ITGA1: variants seen among roughly 807,000 people sequenced by gnomAD.
ITGA1 encodes integrin subunit alpha 1.
Under a neutral mutation model 145.9 loss-of-function variants are expected in ITGA1, and 85 were observed. The observed-to-expected ratio is 0.58, with a 90% CI of 0.49 to 0.70. ITGA1 has a LOEUF of 0.70. Among genes scored for constraint, ITGA1 ranks in the 30% least tolerant of loss-of-function variants. The pLI, the probability that ITGA1 is intolerant of heterozygous loss-of-function variation, is 0.00. For synonymous variants in ITGA1, 520 were observed against 495.3 expected, an observed-to-expected ratio of 1.05 and a Z score of -0.66; for missense variants, 1,351 against 1,418.7, an observed-to-expected ratio of 0.95 and a Z score of 0.77.
chr5:52,920,255 C>A, intron 16 of ITGA1, 77 bp from the exon 17 acceptor site: 1 of 1,122,966 alleles, frequency 8.9e-7, no homozygotes, highest in Non-Finnish European at 1.2e-6. Flanking sequence ...TTCTATAATG[C>A]TAATTTAATA....
At chr5:52,864,280 C>T (rs1749650574) in intron 3 of ITGA1, among the ~76,000 whole-genome samples, 1 of 152,162 alleles carries the variant, frequency 6.6e-6, no homozygotes, top group African/African-American at 2.4e-5. Context: ...CCTCTAGTTT[C>T]CTTTGTCACC....
intron 11 of ITGA1, chr5:52,904,809 C>T (rs922111871): frequency 6.7e-6 from 1 of 149,454 alleles, no homozygotes; most frequent in African/African-American, 2.5e-5. Context: ...GCCGAGATCG[C>T]GCCACTGCAC....
chr5:52,912,261 A>G (rs1750568247), intron 14 of ITGA1, among the ~76,000 whole-genome samples: 1 of 144,760 alleles, frequency 6.9e-6, no homozygotes, highest in South Asian at 2.2e-4. Context: ...TATTATATAT[A>G]GTGTATCTAC....
intron 1 of ITGA1, among the ~76,000 whole-genome samples, chr5:52,839,376 G>T (rs7719529): frequency 0.41 from 62,866 of 151,932 alleles, 15,244 homozygotes; most frequent in African/African-American, 0.66. Context: ...GTGTTTTCAC[G>T]AAACAATTTT....
chr5:52,906,042 G>C lies in ITGA1; in HGVS notation c.1455+134G>C. The C allele has an allele frequency of 1.4e-5, 10 of 702,128 alleles. No individual in the cohort carries two copies. In the South Asian group the frequency reaches 2.3e-4, roughly 16 times the overall value. 43.5% of individuals were successfully genotyped at this position (702,128 alleles called of 1,614,324 possible). A position where few individuals can be genotyped will look rare whatever the true frequency, so the allele number is the denominator to read the frequency against. On this transcript the variant is annotated intron_variant, in intron 12 of 28. Transcript: ENST00000282588. ...AACTGGGAACAGGGCCCTGTGTTAG[G>C]TTCTTTGGAAGGATGTATAGTGTCT...
At chr5:52,842,041 A>C (rs562575345) in intron 1 of ITGA1, among the ~76,000 whole-genome samples, 2 of 152,262 alleles carry the variant, frequency 1.3e-5, no homozygotes, top group African/African-American at 4.8e-5. Flanking sequence ...CCTTAGTAGA[A>C]TATTAATATA....
intron 14 of ITGA1, among the ~76,000 whole-genome samples, chr5:52,913,374 C>A (rs528265959): frequency 6.6e-6 from 1 of 152,046 alleles, no homozygotes; most frequent in South Asian, 2.1e-4. Flanking sequence ...AAGTGAATTA[C>A]GATTTCTAAA....
rs1354960427 is a variant in ITGA1 at position 52,958,103 on chromosome 5, T to C, written c.*5652T>C. The stretch of plus-strand genomic sequence containing the variant: ...GTAGAGAGAGATTACTGGGAAGCAG[T>C]GAGCCAACATAATTGTCCTTTCCTC... On this transcript the variant is annotated 3_prime_UTR_variant, in exon 29 of 29. Transcript: ENST00000282588. The C allele has an allele frequency of 6.6e-6, 1 of 152,172 alleles. No individual in the cohort carries two copies. The highest frequency in any genetic ancestry group is 1.5e-5 in the Non-Finnish European group (1 of 68,030). 9.4% of individuals were successfully genotyped at this position (152,172 alleles called of 1,614,324 possible). A position where few individuals can be genotyped will look rare whatever the true frequency, so the allele number is the denominator to read the frequency against.
At chr5:52,884,196 C>T (rs1750010037) in intron 7 of ITGA1, among the ~76,000 whole-genome samples, 2 of 152,076 alleles carry the variant, frequency 1.3e-5, no homozygotes, top group Non-Finnish European at 1.5e-5. Context: ...GTAATCCCAG[C>T]ACTTTGGGAG....
At chr5:52,827,932 A>T (rs1218474176) in intron 1 of ITGA1, among the ~76,000 whole-genome samples, 1 of 152,204 alleles carries the variant, frequency 6.6e-6, no homozygotes, top group Non-Finnish European at 1.5e-5. Flanking sequence ...GCTTTATTGC[A>T]GTGGTCTGGA....
chr5:52,942,927 C>T (rs1476744506), intron 26 of ITGA1, among the ~76,000 whole-genome samples: 3 of 152,068 alleles, frequency 2.0e-5, no homozygotes, highest in Non-Finnish European at 4.4e-5. Context: ...ATTTTATATT[C>T]TGAAACTTTA....
chr5:52,836,407 G>A (rs1043713222), intron 1 of ITGA1, among the ~76,000 whole-genome samples: 1 of 152,202 alleles, frequency 6.6e-6, no homozygotes, highest in Non-Finnish European at 1.5e-5. Flanking sequence ...TTTCTGGCCA[G>A]TACATTTGTG....
At position 52,838,997 on chromosome 5, in the gene ITGA1, T is replaced by G. The variant is rs138631121; in HGVS notation, c.62-10368T>G. 2.0e-4 allele frequency among the ~76,000 whole-genome samples: 31 copies of G among 152,188 alleles called. 1 individual carries two copies. In the East Asian group the frequency reaches 4.8e-3, roughly 24 times the overall value. On this transcript the variant is annotated intron_variant, in intron 1 of 28. Coordinates refer to ENST00000282588, the MANE Select transcript of ITGA1 (RefSeq NM_181501.2). ...CTCTGGTCTTAGCTACTTGGGAGGC[T>G]GAGGTGGAAGAATCACTTGAGCTGG...
Position 52,881,976 on chromosome 5 carries a change from G to C in ITGA1, c.728G>C (p.Arg243Thr), listed in dbSNP as rs1161729766. The change falls in exon 7 of 29, where the codon AGA (arginine) becomes ACA (threonine). Residue 243 changes from arginine to threonine, a missense_variant. Transcript: ENST00000282588. ...VLVAAKKIVQ[R>T]GGRQTMTALG... ...GTTGCAGCAAAGAAAATAGTCCAGAGAGGTGGCCGCCAGACTATGACAGCT... is the reference window on the plus strand; with the variant it reads ...GTTGCAGCAAAGAAAATAGTCCAGACAGGTGGCCGCCAGACTATGACAGCT... The C allele has an allele frequency of 6.2e-7, 1 of 1,613,758 alleles. No homozygotes were observed. The highest frequency in any genetic ancestry group is 1.1e-5 in the South Asian group (1 of 91,014).
At chr5:52,938,130 G>A (rs1750999632) in intron 24 of ITGA1, among the ~76,000 whole-genome samples, 1 of 152,174 alleles carries the variant, frequency 6.6e-6, no homozygotes, top group Non-Finnish European at 1.5e-5. Flanking sequence ...ATCCACTAGA[G>A]TAGATTTTAA....
At chr5:52,891,579 A>G (rs1390434694) in intron 8 of ITGA1, among the ~76,000 whole-genome samples, 1 of 150,544 alleles carries the variant, frequency 6.6e-6, no homozygotes. Context: ...AAAAAAAACC[A>G]AAGTGATAAT....
Position 52,800,109 on chromosome 5 carries a change from G to T in ITGA1, c.61+11695G>T, listed in dbSNP as rs114309882. On this transcript the variant is annotated intron_variant, in intron 1 of 28. Coordinates refer to ENST00000282588, the MANE Select transcript of ITGA1 (RefSeq NM_181501.2). ...GCATGCGCCTTCATTTCGTCAGCCC[G>T]CTGTTGCGTGCTGCCAGCGGGAACT... 2.3e-3 allele frequency: 870 copies of T among 385,308 alleles called. 9 individuals carry two copies. Among genetic ancestry groups the T allele is most frequent in the African/African-American group, 0.016 (784 of 48,066 alleles). 23.9% of individuals were successfully genotyped at this position (385,308 alleles called of 1,614,324 possible). A position where few individuals can be genotyped will look rare whatever the true frequency, so the allele number is the denominator to read the frequency against.
chr5:52,874,988 C>T (rs1219909840), intron 6 of ITGA1, among the ~76,000 whole-genome samples: 3 of 152,054 alleles, frequency 2.0e-5, no homozygotes, highest in African/African-American at 7.2e-5. Context: ...ACCAGGTCTT[C>T]CAATTAGTAA....
At chr5:52,801,586 G>T in intron 1 of ITGA1, 1 of 1,614,112 alleles carries the variant, frequency 6.2e-7, no homozygotes, top group Non-Finnish European at 8.5e-7. Flanking sequence ...GGTGGAGAAG[G>T]CCAATGAAGC....
Sources: gnomAD v4.1 joint callset for allele counts (sites outside exome capture counted in the v4.1 genomes callset) on GRCh38, gnomAD v4.1.1 for gene constraint, MANE v1.5 for transcripts, NCBI Gene and HGNC (gene_info 2026-07-23, HGNC 2026-07-21) for gene names.